Variants in CDH12 observed in about 807,000 individuals in gnomAD.
The protein encoded by CDH12 is cadherin-12.
Under a neutral mutation model 74.1 loss-of-function variants are expected in CDH12, and 41 were observed. That is an observed-to-expected ratio of 0.55 (90% CI 0.43 to 0.72). The LOEUF (loss-of-function observed/expected upper bound fraction) is 0.72, where lower values mean the gene tolerates loss of function less well. Ranked by LOEUF, CDH12 falls within the 30% of genes least tolerant of loss-of-function variation. The probability of loss-of-function intolerance (pLI) is 0.00; values close to 1 mark genes in which losing one functional copy is unlikely to be tolerated. For missense variants in CDH12, 945 were observed against 977.2 expected (o/e 0.97, Z 0.44); for synonymous variants, 399 against 355.0 (o/e 1.12, Z -1.39).
chr5:22,145,726 T>C (rs1462434794), intron 4 of CDH12, among the ~76,000 whole-genome samples: 2 of 152,080 alleles, frequency 1.3e-5, no homozygotes, highest in African/African-American at 4.8e-5. Context: ...TGGCAGAAAG[T>C]TCTTTGTTGA....
intron 1 of CDH12, among the ~76,000 whole-genome samples, chr5:22,506,524 G>A (rs779349923): frequency 4.6e-5 from 7 of 151,864 alleles, no homozygotes; most frequent in Non-Finnish European, 8.8e-5. Context: ...CTTAAGTCCT[G>A]GCATGATAAG....
At chr5:21,847,061 C>T (rs183252524) in intron 7 of CDH12, among the ~76,000 whole-genome samples, 1 of 152,198 alleles carries the variant, frequency 6.6e-6, no homozygotes, top group African/African-American at 2.4e-5. Context: ...GAGGTTGGAG[C>T]GTAAGCCAGG....
chr5:22,132,566 A>G lies in CDH12; in HGVS notation c.-186-53704T>C, dbSNP rs544610243. ...GGAAGAAATAACAAACTCCTTAAGA[A>G]CAACAGGAGGGGGAAACGGGGAGTA... On this transcript the variant is annotated intron_variant, in intron 4 of 14. Transcript: ENST00000382254. 2.5e-4 allele frequency among the ~76,000 whole-genome samples: 38 copies of G among 151,990 alleles called. No homozygotes were observed. The South Asian group carries it at 6.0e-3, about 24-fold the overall frequency.
chr5:22,649,673 A>G (rs1739629166), intron 1 of CDH12, among the ~76,000 whole-genome samples: 1 of 152,042 alleles, frequency 6.6e-6, no homozygotes, highest in African/African-American at 2.4e-5. Context: ...TGAAAATGAG[A>G]TGGCAATGCC....
At chr5:22,094,030 C>G (rs964724076) in intron 4 of CDH12, among the ~76,000 whole-genome samples, 1 of 152,140 alleles carries the variant, frequency 6.6e-6, no homozygotes, top group Admixed American at 6.5e-5. Context: ...ACCATGACCA[C>G]CTGGGCAGCA....
chr5:21,813,858 A>G (rs6884278), intron 9 of CDH12, among the ~76,000 whole-genome samples: 108,609 of 152,008 alleles, frequency 0.71, 39,738 homozygotes, highest in Non-Finnish European at 0.8. Flanking sequence ...CCTTCATCCT[A>G]CTTTAAGTCT....
intron 3 of CDH12, among the ~76,000 whole-genome samples, chr5:22,304,101 G>A (rs1032796032): frequency 2.0e-5 from 3 of 152,004 alleles, no homozygotes; most frequent in African/African-American, 7.2e-5. Context: ...ATATTACTCA[G>A]CATGTTGATA....
chr5:21,976,926 A>G (rs1234327896), intron 5 of CDH12, among the ~76,000 whole-genome samples: 3 of 152,084 alleles, frequency 2.0e-5, no homozygotes, highest in Non-Finnish European at 2.9e-5. Context: ...AAGCACAAAT[A>G]TAGCCCAAAT....
At position 21,760,546 on chromosome 5, in the gene CDH12, A is replaced by G. The variant is rs200531657; in HGVS notation, c.1633+12T>C. 7.0e-5 allele frequency: 91 copies of G among 1,308,966 alleles called. No individual in the cohort carries two copies. Among genetic ancestry groups the G allele is most frequent in the Non-Finnish European group, 9.3e-5 (84 of 904,672 alleles). The allele number at this position is 1,308,966 out of a possible 1,614,324, so 81.1% of individuals were successfully genotyped here. ...CATGATAAGAGGTAAATTTTTCTGT[A>G]GTTACACTTACTTCTGAAGTCACGA... On this transcript the variant is annotated intron_variant, in intron 13 of 14. Transcript: ENST00000382254.
At chr5:22,256,246 C>T (rs1304612114) in intron 3 of CDH12, among the ~76,000 whole-genome samples, 6 of 152,040 alleles carry the variant, frequency 3.9e-5, no homozygotes, top group African/African-American at 9.7e-5. Flanking sequence ...CATCCATGTG[C>T]CACATAACAG....
intron 5 of CDH12, among the ~76,000 whole-genome samples, chr5:22,040,259 CAG>C (rs1457479845): frequency 6.6e-6 from 1 of 151,956 alleles, no homozygotes; most frequent in Non-Finnish European, 1.5e-5. Flanking sequence ...TGAAATTACT[CAG>C]AGGACAAAAA....
intron 5 of CDH12, 29 bp downstream of exon 5, chr5:22,078,417 A>G (rs1487120655): frequency 1.3e-6 from 2 of 1,598,396 alleles, no homozygotes; most frequent in Admixed American, 1.7e-5. Flanking sequence ...CTTCCTATCA[A>G]GCGGTTGTCA....
At chr5:21,845,820 TAGTA>T (rs1262677763) in intron 7 of CDH12, among the ~76,000 whole-genome samples, 1 of 152,080 alleles carries the variant, frequency 6.6e-6, no homozygotes, top group Non-Finnish European at 1.5e-5. Context: ...CTTAGGCAGA[TAGTA>T]AGAGTAAAAG....
intron 6 of CDH12, among the ~76,000 whole-genome samples, chr5:21,942,098 T>G (rs1256991471): frequency 6.6e-6 from 1 of 151,890 alleles, no homozygotes; most frequent in Non-Finnish European, 1.5e-5. Context: ...GCCTTCGAGT[T>G]AGGAAGGAGA....
intron 3 of CDH12, among the ~76,000 whole-genome samples, chr5:22,293,961 C>A (rs1336472755): frequency 6.6e-6 from 1 of 151,946 alleles, no homozygotes; most frequent in East Asian, 1.9e-4. Flanking sequence ...GCTAAGAGAG[C>A]AGATGTAAAG....
intron 1 of CDH12, among the ~76,000 whole-genome samples, chr5:22,545,232 C>G (rs548523312): frequency 6.6e-6 from 1 of 152,208 alleles, no homozygotes. Context: ...AGCTCAATAC[C>G]CATCAATGGT....
At chr5:22,266,813 C>G (rs1001546210) in intron 3 of CDH12, among the ~76,000 whole-genome samples, 4 of 152,122 alleles carry the variant, frequency 2.6e-5, no homozygotes, top group African/African-American at 9.7e-5. Context: ...CAATTCACTA[C>G]ATTTTCATTT....
intron 4 of CDH12, among the ~76,000 whole-genome samples, chr5:22,097,147 G>A (rs1743830859): frequency 6.6e-6 from 1 of 152,160 alleles, no homozygotes; most frequent in Admixed American, 6.5e-5. Context: ...CCAGGCCAAA[G>A]AATGCCCCAC....
intron 4 of CDH12, among the ~76,000 whole-genome samples, chr5:22,153,992 G>A (rs1379866987): frequency 2.7e-5 from 4 of 146,276 alleles, no homozygotes; most frequent in Non-Finnish European, 6.0e-5. Context: ...AGATATATAT[G>A]TATATATATG....
Sources: gnomAD v4.1 joint callset for allele counts (sites outside exome capture counted in the v4.1 genomes callset) on GRCh38, gnomAD v4.1.1 for gene constraint, MANE v1.5 for transcripts, NCBI Gene and HGNC (gene_info 2026-07-23, HGNC 2026-07-21) for gene names.